OR1J2: variants seen among roughly 807,000 people sequenced by gnomAD.
The protein encoded by OR1J2 is olfactory receptor 1J2.
For missense variants in OR1J2, 304 were observed against 246.1 expected (o/e 1.24, Z -1.57); for synonymous variants, 142 against 99.7 (o/e 1.42, Z -2.52).
At chr9:122,526,792 C>T in the OR1J2 span, 11 of 1,614,066 alleles carry the variant, frequency 6.8e-6, no homozygotes, top group Non-Finnish European at 9.3e-6. Flanking sequence ...TCCCCAGTCA[C>T]ACAGAAGGAC....
At chr9:122,540,498 A>G in the OR1J2 span, among the ~76,000 whole-genome samples, 2 of 152,048 alleles carry the variant, frequency 1.3e-5, no homozygotes, top group African/African-American at 2.4e-5. Context: ...TACCAGTACC[A>G]TGCTGTTTTG....
the OR1J2 span, among the ~76,000 whole-genome samples, chr9:122,579,072 AG>A: frequency 1.5e-3 from 233 of 152,246 alleles, no homozygotes; most frequent in African/African-American, 5.5e-3. Flanking sequence ...AAAAGAAGAA[AG>A]AAAAATACTG....
At chr9:122,476,293 G>T in the OR1J2 span, among the ~76,000 whole-genome samples, 1 of 152,136 alleles carries the variant, frequency 6.6e-6, no homozygotes, top group South Asian at 2.1e-4. Context: ...TGGTGCCTGG[G>T]CGAAAGAGGA....
At chr9:122,497,783 CT>C in the OR1J2 span, among the ~76,000 whole-genome samples, 1 of 152,106 alleles carries the variant, frequency 6.6e-6, no homozygotes, top group Non-Finnish European at 1.5e-5. Context: ...GTCTTTCTAA[CT>C]TTTTGAGGTA....
the OR1J2 span, among the ~76,000 whole-genome samples, chr9:122,563,506 A>G: frequency 6.6e-6 from 1 of 152,202 alleles, no homozygotes; most frequent in African/African-American, 2.4e-5. Context: ...TATATTCCAC[A>G]TATTAACCTC....
At chr9:122,461,426 C>T in the OR1J2 span, among the ~76,000 whole-genome samples, 8 of 151,180 alleles carry the variant, frequency 5.3e-5, no homozygotes, top group Non-Finnish European at 1.0e-4. Context: ...TTTAGTTCTG[C>T]TCTGATCTTG....
chr9:122,480,557 T>C, the OR1J2 span, among the ~76,000 whole-genome samples: 3 of 50,230 alleles, frequency 6.0e-5, no homozygotes, highest in East Asian at 3.4e-4. Flanking sequence ...AGGTATTTCT[T>C]TTTTTTTTTT....
At chr9:122,485,802 G>T in the OR1J2 span, among the ~76,000 whole-genome samples, 1 of 152,318 alleles carries the variant, frequency 6.6e-6, no homozygotes, top group Non-Finnish European at 1.5e-5. Flanking sequence ...GAAAGCAGAG[G>T]CTGCAGACAC....
chr9:122,530,269 GCACT>G, the OR1J2 span, among the ~76,000 whole-genome samples: 1 of 152,164 alleles, frequency 6.6e-6, no homozygotes, highest in African/African-American at 2.4e-5. Context: ...GGGACACATT[GCACT>G]GTGATCCCAC....
chr9:122,508,992 C>G (rs763825794), upstream of OR1J2, among the ~76,000 whole-genome samples: 3 of 152,184 alleles, frequency 2.0e-5, no homozygotes, highest in Non-Finnish European at 2.9e-5. Context: ...CCTTCGTCCT[C>G]TGAGCCAACA....
chr9:122,550,169 C>G, the OR1J2 span, among the ~76,000 whole-genome samples: 1 of 152,018 alleles, frequency 6.6e-6, no homozygotes, highest in Non-Finnish European at 1.5e-5. Context: ...TGGATAAATT[C>G]TTGAAATATA....
chr9:122,494,755 C>A, the OR1J2 span, among the ~76,000 whole-genome samples: 1 of 151,974 alleles, frequency 6.6e-6, no homozygotes, highest in Non-Finnish European at 1.5e-5. Flanking sequence ...GTTTTATTTT[C>A]ATGGTGTTAT....
At chr9:122,550,086 C>T in the OR1J2 span, among the ~76,000 whole-genome samples, 1 of 151,906 alleles carries the variant, frequency 6.6e-6, no homozygotes, top group Non-Finnish European at 1.5e-5. Context: ...TCCTTGGTTA[C>T]ATATAATCCT....
At chr9:122,553,482 C>T in the OR1J2 span, 1 of 1,614,114 alleles carries the variant, frequency 6.2e-7, no homozygotes, top group Non-Finnish European at 8.5e-7. Flanking sequence ...CATTCATACC[C>T]AGAGTCAGAT....
chr9:122,495,724 G>A, the OR1J2 span, among the ~76,000 whole-genome samples: 4 of 152,006 alleles, frequency 2.6e-5, no homozygotes, highest in Non-Finnish European at 4.4e-5. Context: ...TCCATTGCTG[G>A]TGAGCTGGTA....
At chr9:122,571,766 G>A in the OR1J2 span, among the ~76,000 whole-genome samples, 7 of 151,908 alleles carry the variant, frequency 4.6e-5, no homozygotes, top group East Asian at 1.4e-3. Flanking sequence ...CTTGTGTGTA[G>A]GGTTGTAGTG....
chr9:122,463,614 G>T, the OR1J2 span, among the ~76,000 whole-genome samples: 1 of 152,154 alleles, frequency 6.6e-6, no homozygotes, highest in African/African-American at 2.4e-5. Flanking sequence ...GTCCCACAGG[G>T]TTGCTCCCTT....
the OR1J2 span, among the ~76,000 whole-genome samples, chr9:122,505,086 TAAAGTTGTGGTAG>T: frequency 6.6e-6 from 1 of 152,148 alleles, no homozygotes; most frequent in South Asian, 2.1e-4. Context: ...CCAAGTTATA[TAAAGTTGTGGTAG>T]TAAATACAGG....
At chr9:122,499,859 C>A in the OR1J2 span, among the ~76,000 whole-genome samples, 5 of 152,110 alleles carry the variant, frequency 3.3e-5, no homozygotes, top group African/African-American at 1.2e-4. Context: ...CTCAGGGGAG[C>A]AGGGTGGGGC....
Sources: allele counts gnomAD v4.1 joint callset (sites outside exome capture counted in the v4.1 genomes callset), GRCh38; gene constraint gnomAD v4.1.1; transcripts MANE v1.5; gene names NCBI Gene and HGNC (gene_info 2026-07-23, HGNC 2026-07-21).